Variants in APOL3 observed in about 807,000 individuals in gnomAD.
APOL3 encodes the protein apolipoprotein L3, also known as TNF-inducible protein CG12-1.
Under a neutral mutation model 11.6 loss-of-function variants are expected in APOL3, and 14 were observed. The ratio of observed to expected loss-of-function variants is 1.21; its 90% CI spans 0.80 to 1.89. The LOEUF (loss-of-function observed/expected upper bound fraction) is 1.89, where lower values mean the gene tolerates loss of function less well. Ranked by LOEUF, APOL3 falls within the 40% of genes most tolerant of loss-of-function variation. The probability of loss-of-function intolerance (pLI) is 0.00; values close to 1 mark genes in which losing one functional copy is unlikely to be tolerated. For synonymous variants in APOL3, 192 were observed against 190.6 expected (o/e 1.01, Z -0.06); for missense variants, 483 against 492.1 (o/e 0.98, Z 0.17).
chr22:36,144,156 G>T (rs1337901772), intron 2 of APOL3, among the ~76,000 whole-genome samples: 1 of 152,118 alleles, frequency 6.6e-6, no homozygotes, highest in Non-Finnish European at 1.5e-5. Flanking sequence ...AAATCAGGGA[G>T]GGAAGAAATA....
chr22:36,156,089 G>T, intron 1 of APOL3: 1 of 178,180 alleles, frequency 5.6e-6, no homozygotes, highest in East Asian at 1.7e-4. Flanking sequence ...CTCCTCCTGA[G>T]GAATCTTTAT....
intron 1 of APOL3, chr22:36,153,495 T>G (rs375695944): frequency 5.0e-5 from 22 of 437,218 alleles, no homozygotes; most frequent in African/African-American, 3.4e-4. Context: ...CAGAGTGAAC[T>G]CCTATCTTGA....
At chr22:36,153,457 GT>G in intron 1 of APOL3, 1 of 455,230 alleles carries the variant, frequency 2.2e-6, no homozygotes, top group Non-Finnish European at 4.4e-6. Flanking sequence ...GTCATTTTAT[GT>G]TAAACTGTTA....
At chr22:36,164,898 C>T (rs185111780), upstream of APOL3, 14 of 152,284 alleles carry the variant, frequency 9.2e-5, no homozygotes, top group East Asian at 2.7e-3. Flanking sequence ...ATGAACTAGC[C>T]TTGACTTCCA....
intron 1 of APOL3, among the ~76,000 whole-genome samples, chr22:36,150,680 C>T (rs923227110): frequency 3.9e-5 from 6 of 152,116 alleles, no homozygotes; most frequent in African/African-American, 1.4e-4. Flanking sequence ...ACCATGCTGG[C>T]CAACATAGTG....
intron 1 of APOL3, chr22:36,153,572 A>G (rs2012189987): frequency 2.7e-6 from 1 of 364,100 alleles, no homozygotes; most frequent in Non-Finnish European, 5.5e-6. Flanking sequence ...CAAAGGAACC[A>G]AGACGTCTTG....
exon 3 of APOL3, chr22:36,140,847 T>G: frequency 4.6e-6 from 1 of 218,244 alleles, no homozygotes; most frequent in East Asian, 1.0e-4. Flanking sequence ...GCTTTCTGCA[T>G]TTTCAGCTCT....
chr22:36,158,675 C>T (rs117982527), intron 1 of APOL3, among the ~76,000 whole-genome samples: 2,932 of 152,144 alleles, frequency 0.019, 33 homozygotes, highest in Non-Finnish European at 0.028. Context: ...AAAAATTAGC[C>T]GGGCGTGGTG....
chr22:36,149,785 TG>T (rs2060362454), intron 1 of APOL3: 1 of 454,870 alleles, frequency 2.2e-6, no homozygotes, highest in South Asian at 1.6e-5. Flanking sequence ...TTATTGTAAA[TG>T]ACTCCTCATT....
chr22:36,140,903 C>G (rs1273324507), exon 3 of APOL3: 5 of 361,188 alleles, frequency 1.4e-5, no homozygotes, highest in Non-Finnish European at 2.5e-5. Context: ...CACCTCCCCT[C>G]TATTCCTCCC....
At chr22:36,150,921 C>G (rs2060408958) in intron 1 of APOL3, among the ~76,000 whole-genome samples, 1 of 152,156 alleles carries the variant, frequency 6.6e-6, no homozygotes, top group Non-Finnish European at 1.5e-5. Context: ...ATGAGGAAAA[C>G]AGGAGATCAG....
exon 3 of APOL3, chr22:36,141,796 C>T: frequency 1.2e-6 from 2 of 1,614,212 alleles, no homozygotes; most frequent in Non-Finnish European, 1.7e-6. Flanking sequence ...AAAACAAGAC[C>T]AGCAAGGGAC....
At position 36,141,881 on chromosome 22, in the gene APOL3, AC is replaced by A; in HGVS notation, c.527del (p.Gly176ValfsTer49). 6.2e-7 allele frequency: 1 copy of A among 1,614,224 alleles called. No individual in the cohort carries two copies. Among genetic ancestry groups the A allele is most frequent in the Non-Finnish European group, 8.5e-7 (1 of 1,180,032 alleles). ...TGCAGCCTCTGTGGACCTCTTCAAT[AC>A]CATTTGCAAGGGCACGAAGCTTTTC... is the stretch of plus-strand genomic sequence containing the variant. On this transcript the variant is annotated frameshift_variant, in exon 3 of 3. Transcript: ENST00000349314. LOFTEE classifies it low-confidence loss of function (END_TRUNC).
At chr22:36,161,969 G>A (rs1356909691), upstream of APOL3, among the ~76,000 whole-genome samples, 1 of 152,114 alleles carries the variant, frequency 6.6e-6, no homozygotes, top group Non-Finnish European at 1.5e-5. Context: ...TAACTTCAAG[G>A]AGCCCAGCAC....
upstream of APOL3, among the ~76,000 whole-genome samples, chr22:36,162,150 ACATTAG>A (rs1262235463): frequency 6.6e-6 from 1 of 152,228 alleles, no homozygotes; most frequent in African/African-American, 2.4e-5. Context: ...AGTTAAGTAG[ACATTAG>A]CAGCTGGGAG....
At chr22:36,147,580 G>A (rs1392651025) in intron 1 of APOL3, among the ~76,000 whole-genome samples, 3 of 152,284 alleles carry the variant, frequency 2.0e-5, no homozygotes, top group East Asian at 3.9e-4. Flanking sequence ...TGTCCAGGGC[G>A]GCTCCTGAGC....
chr22:36,144,820 T>C (rs1374531739), intron 2 of APOL3, among the ~76,000 whole-genome samples: 1 of 151,896 alleles, frequency 6.6e-6, no homozygotes, highest in South Asian at 2.1e-4. Flanking sequence ...CCATCCTGGC[T>C]AACACGATGA....
At chr22:36,142,632 T>C (rs2060041180) in intron 2 of APOL3, among the ~76,000 whole-genome samples, 2 of 152,092 alleles carry the variant, frequency 1.3e-5, no homozygotes, top group African/African-American at 2.4e-5. Flanking sequence ...ATTACGTATC[T>C]TTTCTGCCTT....
intron 1 of APOL3, among the ~76,000 whole-genome samples, chr22:36,160,390 G>A (rs140549935): frequency 6.6e-6 from 1 of 152,318 alleles, no homozygotes; most frequent in Non-Finnish European, 1.5e-5. Context: ...ACCGGGCCAT[G>A]TCTCACGCAG....
Sources: allele counts gnomAD v4.1 joint callset (sites outside exome capture counted in the v4.1 genomes callset), GRCh38; gene constraint gnomAD v4.1.1; transcripts MANE v1.5; gene names NCBI Gene and HGNC (gene_info 2026-07-23, HGNC 2026-07-21).